The following LMTK2 variants were observed in gnomAD, a reference collection of about 807,000 sequenced individuals.
LMTK2 encodes serine/threonine-protein kinase LMTK2.
Under a neutral mutation model 127.5 loss-of-function variants are expected in LMTK2, and 37 were observed. That is an observed-to-expected ratio of 0.29 (90% CI 0.22 to 0.38). The LOEUF (loss-of-function observed/expected upper bound fraction) is 0.38. Ranked by LOEUF, LMTK2 falls within the 10% of genes least tolerant of loss-of-function variation. The pLI, the probability that LMTK2 is intolerant of heterozygous loss-of-function variation, is 1.00. For missense variants in LMTK2, 1,694 were observed against 1,920.3 expected (o/e 0.88, Z 2.20); for synonymous variants, 819 against 810.1 (o/e 1.01, Z -0.19).
At chr7:98,159,258 T>C (rs1273227784) in intron 5 of LMTK2, 80 bp from the exon 6 acceptor site, 2 of 845,018 alleles carry the variant, frequency 2.4e-6, no homozygotes, top group Non-Finnish European at 3.7e-6. Flanking sequence ...ATTTGAATAA[T>C]TTTATTAGTA....
At position 98,137,299 on chromosome 7, in the gene LMTK2, T is replaced by C. The variant is rs1584255922; in HGVS notation, c.104-16T>C. 6.3e-7 allele frequency: 1 copy of C among 1,595,628 alleles called. No homozygotes were observed. Among genetic ancestry groups the C allele is most frequent in the Non-Finnish European group, 8.5e-7 (1 of 1,174,478 alleles). On this transcript the variant is annotated splice_polypyrimidine_tract_variant and intron_variant, in intron 1 of 13. Transcript: ENST00000297293. ...GGAATGTACATGTTTTTAATATTAT[T>C]TATCTCTCTTTCCAGGGGAGGCGCC...
chr7:98,118,008 G>C (rs1016409410), intron 1 of LMTK2, among the ~76,000 whole-genome samples: 1 of 152,098 alleles, frequency 6.6e-6, no homozygotes, highest in Non-Finnish European at 1.5e-5. Context: ...TGGGTGCTGG[G>C]TTTGCTCATT....
At chr7:98,146,905 C>A (rs933259493) in intron 3 of LMTK2, among the ~76,000 whole-genome samples, 1 of 152,188 alleles carries the variant, frequency 6.6e-6, no homozygotes. Flanking sequence ...GCCTGGAGGA[C>A]TCCCATTAGC....
Position 98,205,735 on chromosome 7 carries a change from C to T in LMTK2, c.*243C>T, listed in dbSNP as rs1584305024. The stretch of plus-strand genomic sequence containing the variant: ...TCAGTGCCCCGTGCACCCGCGGCCG[C>T]GGCCTCCCAGGCAGTGCTCATGCGC... On this transcript the variant is annotated 3_prime_UTR_variant, in exon 14 of 14. Transcript: ENST00000297293. 11 of 576,454 alleles carry T rather than the reference C, an allele frequency of 1.9e-5. No individual in the cohort carries two copies. In the East Asian group the frequency reaches 2.6e-4, roughly 14 times the overall value. 35.7% of individuals were successfully genotyped at this position (576,454 alleles called of 1,614,324 possible). A position where few individuals can be genotyped will look rare whatever the true frequency, so the allele number is the denominator to read the frequency against.
chr7:98,127,692 A>G (rs76100421), intron 1 of LMTK2, among the ~76,000 whole-genome samples: 5,423 of 152,306 alleles, frequency 0.036, 337 homozygotes, highest in African/African-American at 0.12. Flanking sequence ...AAAATAACTA[A>G]AGGAGTGGAA....
At chr7:98,151,900 C>T (rs1366115403) in intron 4 of LMTK2, among the ~76,000 whole-genome samples, 1 of 152,114 alleles carries the variant, frequency 6.6e-6, no homozygotes, top group Non-Finnish European at 1.5e-5. Flanking sequence ...TTCCTCCTCT[C>T]CATCGCATTG....
rs2116493002 is a variant in LMTK2, at chr7:98,207,406, A to T, written c.*1914A>T. The T allele has an allele frequency of 6.6e-6, 1 of 152,034 alleles. No individual in the cohort carries two copies. Among genetic ancestry groups the T allele is most frequent in the East Asian group, 1.9e-4 (1 of 5,142 alleles). The allele number at this position is 152,034 out of a possible 1,614,324, so 9.4% of individuals were successfully genotyped here. A position where few individuals can be genotyped will look rare whatever the true frequency, so the allele number is the denominator to read the frequency against. ...CTAAGCAATAACTTTCCAAAGCAAG[A>T]AGTTCAGGATGGAGAGAGTCCCCTC... On this transcript the variant is annotated 3_prime_UTR_variant, in exon 14 of 14. Transcript: ENST00000297293.
chr7:98,185,041 C>G lies in LMTK2; in HGVS notation c.792-10C>G. The G allele has an allele frequency of 1.3e-6, 2 of 1,599,442 alleles. No individual in the cohort carries two copies. Among genetic ancestry groups the G allele is most frequent in the Non-Finnish European group, 1.7e-6 (2 of 1,167,242 alleles). ...TTCTTCTTGCCATGTTCACTTCCCT[C>G]TGTTTTCAGTGATTTAGCCCTGCGG... On this transcript the variant is annotated splice_polypyrimidine_tract_variant and intron_variant, in intron 7 of 13. Transcript: ENST00000297293.
chr7:98,167,416 T>G (rs747241671), intron 6 of LMTK2, among the ~76,000 whole-genome samples: 26 of 152,290 alleles, frequency 1.7e-4, no homozygotes, highest in Non-Finnish European at 3.5e-4. Flanking sequence ...CTTTGGCTGC[T>G]CAGGCGAATG....
intron 6 of LMTK2, among the ~76,000 whole-genome samples, chr7:98,166,468 A>G (rs1460221065): frequency 6.6e-6 from 1 of 152,248 alleles, no homozygotes; most frequent in African/African-American, 2.4e-5. Context: ...TTTTTGTACA[A>G]CTGTGCAATG....
rs773622082 is a variant in LMTK2, at chr7:98,194,171, C to G, written c.3706C>G (p.Leu1236Val). Reference sequence around the variant, plus strand: ...CACGGGGACCAACACGAACGAACTCCTTGCCTACACCAATTCTGCGCTGGA... The same window carrying G: ...CACGGGGACCAACACGAACGAACTCGTTGCCTACACCAATTCTGCGCTGGA... ...ASTGTNTNEL[L>V]AYTNSALDKS... The change falls in exon 11 of 14, where the codon CTT becomes GTT. Residue 1236 changes from leucine to valine, a missense_variant. Transcript: ENST00000297293. This position sits in a 1 kb window ranked among gnomAD's most constrained non-coding sequence, Gnocchi z 5.4. 6.2e-7 allele frequency: 1 copy of G among 1,614,038 alleles called. No individual in the cohort carries two copies. Among genetic ancestry groups the G allele is most frequent in the South Asian group, 1.1e-5 (1 of 91,082 alleles).
chr7:98,117,269 C>G (rs1224834463), intron 1 of LMTK2, among the ~76,000 whole-genome samples: 1 of 152,164 alleles, frequency 6.6e-6, no homozygotes, highest in Non-Finnish European at 1.5e-5. Flanking sequence ...TTCCCCTTCC[C>G]TTTCCTTGAC....
At chr7:98,136,436 GC>G (rs2116357706) in intron 1 of LMTK2, among the ~76,000 whole-genome samples, 1 of 152,298 alleles carries the variant, frequency 6.6e-6, no homozygotes, top group South Asian at 2.1e-4. Flanking sequence ...GGAGAAACAG[GC>G]AGTTGCATAG....
At chr7:98,141,374 A>G in intron 2 of LMTK2, 23 bp from the exon 3 acceptor site, 1 of 1,608,100 alleles carries the variant, frequency 6.2e-7, no homozygotes, top group East Asian at 2.2e-5. Flanking sequence ...ATGGTTTTTA[A>G]TGCTTGCTCT....
chr7:98,128,102 C>T (rs1239932557), intron 1 of LMTK2, among the ~76,000 whole-genome samples: 1 of 152,140 alleles, frequency 6.6e-6, no homozygotes, highest in Non-Finnish European at 1.5e-5. Flanking sequence ...CAAGATCGCG[C>T]CACTGTGCTC....
intron 9 of LMTK2, among the ~76,000 whole-genome samples, chr7:98,188,097 T>C (rs1797468598): frequency 6.6e-6 from 1 of 152,214 alleles, no homozygotes; most frequent in African/African-American, 2.4e-5. Context: ...CTAGATCTTA[T>C]TCCTCCTTCC....
rs200223114 is a variant in LMTK2, at chr7:98,192,169, A to G, written c.1704A>G (p.Pro568=). The change falls in exon 11 of 14, where the codon CCA becomes CCG. Residue 568 remains proline, a synonymous_variant. Transcript: ENST00000297293. ...KSGSNLELDY[P]PALLTTDMDN... is the part of the protein sequence containing the mutation. ...GTAGTAACTTGGAGCTTGATTACCC[A>G]CCAGCGCTGCTCACAACCGACATGG... is the stretch of plus-strand genomic sequence containing the variant. 1 of 1,526,840 alleles carries G rather than the reference A, an allele frequency of 6.5e-7. No individual in the cohort carries two copies. Among genetic ancestry groups the G allele is most frequent in the East Asian group, 2.3e-5 (1 of 44,222 alleles). The allele number at this position is 1,526,840 out of a possible 1,614,324, so 94.6% of individuals were successfully genotyped here. A position where few individuals can be genotyped will look rare whatever the true frequency, so the allele number is the denominator to read the frequency against.
chr7:98,204,455 C>G (rs1355850763), intron 13 of LMTK2, among the ~76,000 whole-genome samples: 1 of 151,888 alleles, frequency 6.6e-6, no homozygotes, highest in Non-Finnish European at 1.5e-5. Context: ...GACCCCATCT[C>G]TAAAAAAAAT....
In LMTK2 at chr7:98,154,811, G is replaced by A; in HGVS notation, c.504G>A (p.Lys168=). 6.2e-7 allele frequency: 1 copy of A among 1,613,976 alleles called. No homozygotes were observed. The highest frequency in any genetic ancestry group is 8.5e-7 in the Non-Finnish European group (1 of 1,179,858). The part of the protein sequence containing the change: ...TGTSVARVIV[K]ELKASANPKE... ...CTAGCGTAGCAAGAGTCATCGTGAAGGAGTTAAAAGCAAGTGCCAACCCAA... is the reference window on the plus strand; with the variant it reads ...CTAGCGTAGCAAGAGTCATCGTGAAAGAGTTAAAAGCAAGTGCCAACCCAA... Residue 168 remains lysine, a synonymous_variant, in exon 5 of 14, where the codon AAG becomes AAA. Coordinates refer to ENST00000297293, the MANE Select transcript of LMTK2 (RefSeq NM_014916.4).
Sources: gnomAD v4.1 joint callset for allele counts (sites outside exome capture counted in the v4.1 genomes callset) on GRCh38, gnomAD v4.1.1 for gene constraint, Gnocchi (gnomAD v3.1) non-coding constraint, MANE v1.5 for transcripts, NCBI Gene and HGNC (gene_info 2026-07-23, HGNC 2026-07-21) for gene names.